The following DIAPH3 variants were observed in gnomAD, a reference collection of about 807,000 sequenced individuals.
The protein encoded by DIAPH3 is protein diaphanous homolog 3.
DIAPH3 carries 117 observed loss-of-function variants against 144.3 expected under a neutral mutation model. The ratio of observed to expected loss-of-function variants is 0.81; its 90% CI spans 0.70 to 0.95. DIAPH3 has a LOEUF of 0.95. Ranked by LOEUF, DIAPH3 falls within the 40% of genes least tolerant of loss-of-function variation. DIAPH3 has a pLI of 0.00. For missense variants in DIAPH3, 1,421 were observed against 1,412.7 expected, an observed-to-expected ratio of 1.01 and a Z score of -0.09; for synonymous variants, 519 against 488.9, an observed-to-expected ratio of 1.06 and a Z score of -0.81.
At chr13:59,887,907 T>A (rs1337021206) in intron 20 of DIAPH3, among the ~76,000 whole-genome samples, 3 of 152,160 alleles carry the variant, frequency 2.0e-5, no homozygotes, top group Non-Finnish European at 4.4e-5. Context: ...ATATTTAAAA[T>A]GATTATCTCT....
At chr13:59,668,844 T>TACACACAC (rs10640305) in intron 27 of DIAPH3, among the ~76,000 whole-genome samples, 48 of 148,354 alleles carry the variant, frequency 3.2e-4, no homozygotes, top group Middle Eastern at 7.0e-3. Flanking sequence ...TATGTATGTA[T>TACACACAC]ACACACACAC....
At chr13:60,072,573 T>C (rs2057248178) in intron 4 of DIAPH3, among the ~76,000 whole-genome samples, 1 of 152,152 alleles carries the variant, frequency 6.6e-6, no homozygotes, top group South Asian at 2.1e-4. Context: ...AATTGGATAG[T>C]ACCAAGAAAC....
chr13:59,753,922 A>G (rs1016117792), intron 27 of DIAPH3, among the ~76,000 whole-genome samples: 2 of 152,184 alleles, frequency 1.3e-5, no homozygotes, highest in African/African-American at 2.4e-5. Flanking sequence ...AAGAAGATAA[A>G]GTATATAAAT....
At chr13:59,911,531 G>C (rs1242103416) in intron 20 of DIAPH3, among the ~76,000 whole-genome samples, 1 of 151,996 alleles carries the variant, frequency 6.6e-6, no homozygotes, top group African/African-American at 2.4e-5. Flanking sequence ...AAAGCCCCTT[G>C]GACTTCACTT....
chr13:59,743,797 T>G (rs2036577681), intron 27 of DIAPH3, among the ~76,000 whole-genome samples: 1 of 152,104 alleles, frequency 6.6e-6, no homozygotes, highest in South Asian at 2.1e-4. Context: ...TACATACATT[T>G]AAATGCAGCT....
At chr13:59,742,723 A>AAAAGAAAGG (rs3076626) in intron 27 of DIAPH3, among the ~76,000 whole-genome samples, 57,937 of 151,416 alleles carry the variant, frequency 0.38, 11,512 homozygotes, top group African/African-American at 0.49. Context: ...GAAAAGAAAG[A>AAAAGAAAGG]AAAGAAAGAA....
At chr13:60,130,101 A>G (rs1295788429) in intron 2 of DIAPH3, among the ~76,000 whole-genome samples, 1 of 152,226 alleles carries the variant, frequency 6.6e-6, no homozygotes, top group Non-Finnish European at 1.5e-5. Context: ...TTGCCAAGGT[A>G]ACAGAGCTAA....
At chr13:59,668,673 A>C (rs1028032383) in intron 27 of DIAPH3, among the ~76,000 whole-genome samples, 1 of 152,214 alleles carries the variant, frequency 6.6e-6, no homozygotes, top group Non-Finnish European at 1.5e-5. Flanking sequence ...TCTGTGACAC[A>C]AGATAAACTT....
intron 27 of DIAPH3, among the ~76,000 whole-genome samples, chr13:59,719,392 T>G (rs958406828): frequency 4.6e-5 from 7 of 152,140 alleles, no homozygotes. Flanking sequence ...ACACTGTGAT[T>G]TAATGAAGAA....
At chr13:59,892,759 A>G (rs2045885017) in intron 20 of DIAPH3, among the ~76,000 whole-genome samples, 1 of 152,036 alleles carries the variant, frequency 6.6e-6, no homozygotes, top group South Asian at 2.1e-4. Context: ...AATAAATAGT[A>G]AGATGCTAGA....
At chr13:60,156,935 A>T (rs1222332397) in intron 1 of DIAPH3, among the ~76,000 whole-genome samples, 1 of 52,456 alleles carries the variant, frequency 1.9e-5, no homozygotes, top group East Asian at 3.0e-4. Flanking sequence ...ATATATATAT[A>T]TATATTTTTT....
chr13:60,119,357 C>G (rs533490788), intron 2 of DIAPH3, among the ~76,000 whole-genome samples: 1 of 152,284 alleles, frequency 6.6e-6, no homozygotes, highest in South Asian at 2.1e-4. Flanking sequence ...GACTGTAGCT[C>G]CAGCCAACAT....
At chr13:59,710,056 G>A (rs1164389303) in intron 27 of DIAPH3, among the ~76,000 whole-genome samples, 2 of 151,862 alleles carry the variant, frequency 1.3e-5, no homozygotes, top group African/African-American at 4.8e-5. Context: ...GAGAACACAT[G>A]GACACAGGAA....
At chr13:60,132,087 G>A (rs958502945) in intron 2 of DIAPH3, among the ~76,000 whole-genome samples, 1 of 152,028 alleles carries the variant, frequency 6.6e-6, no homozygotes, top group Non-Finnish European at 1.5e-5. Flanking sequence ...GCTTTTCTTA[G>A]GTACTATTCA....
At chr13:59,841,735 A>C (rs564236398) in intron 22 of DIAPH3, among the ~76,000 whole-genome samples, 338 of 152,326 alleles carry the variant, frequency 2.2e-3, no homozygotes, top group Non-Finnish European at 2.5e-3. Context: ...AATAAAAATA[A>C]TAGTAATGGT....
At chr13:59,971,235 A>T in intron 15 of DIAPH3, 75 bp from the exon 16 acceptor site, 1 of 1,405,230 alleles carries the variant, frequency 7.1e-7, no homozygotes, top group South Asian at 1.4e-5. Flanking sequence ...TTACTCAAAA[A>T]TAAGGCATTC....
intron 5 of DIAPH3, among the ~76,000 whole-genome samples, chr13:60,030,614 T>C (rs2054715958): frequency 1.3e-5 from 2 of 152,154 alleles, no homozygotes; most frequent in African/African-American, 4.8e-5. Flanking sequence ...AATGATACAA[T>C]ACCGGGTCCC....
In DIAPH3 at chr13:60,061,630, C is replaced by G. The variant is rs537985928; in HGVS notation, c.496-18810G>C. Among the ~76,000 whole-genome samples the G allele has an allele frequency of 5.3e-5, 8 of 151,578 alleles. No individual in the cohort carries two copies. In the East Asian group the frequency reaches 1.4e-3, roughly 26 times the overall value. ...TCCCCCCACACACACCTCCCACCCC[C>G]ACATGTAAGAAGGAAACTAAACACA... On this transcript the variant is annotated intron_variant, in intron 4 of 27. Transcript: ENST00000400324.
chr13:60,016,189 G>A (rs763085741), intron 5 of DIAPH3, 44 bp from the exon 6 acceptor site: 3 of 1,550,804 alleles, frequency 1.9e-6, no homozygotes, highest in African/African-American at 2.7e-5. Flanking sequence ...CAGTAACGCA[G>A]CTTGTGTTAT....
Sources: gnomAD v4.1 joint callset for allele counts (sites outside exome capture counted in the v4.1 genomes callset) on GRCh38, gnomAD v4.1.1 for gene constraint, MANE v1.5 for transcripts, NCBI Gene and HGNC (gene_info 2026-07-23, HGNC 2026-07-21) for gene names.